The following PXDNL variants were observed in gnomAD, a reference collection of about 807,000 sequenced individuals.
PXDNL encodes probable oxidoreductase PXDNL.
Under a neutral mutation model 150.8 loss-of-function variants are expected in PXDNL, and 145 were observed. The observed-to-expected ratio is 0.96, with a 90% confidence interval of 0.84 to 1.10. PXDNL has a LOEUF of 1.10. Among genes scored for constraint, PXDNL ranks in the 50% least tolerant of loss-of-function variants. The pLI, the probability that PXDNL is intolerant of heterozygous loss-of-function variation, is 0.00. For synonymous variants in PXDNL, 757 were observed against 725.7 expected, an observed-to-expected ratio of 1.04 and a Z score of -0.69; for missense variants, 2,087 against 1,873.9, an observed-to-expected ratio of 1.11 and a Z score of -2.10.
chr8:51,583,772 T>C (rs1034291083), intron 3 of PXDNL, among the ~76,000 whole-genome samples: 6 of 152,108 alleles, frequency 3.9e-5, no homozygotes, highest in Non-Finnish European at 7.4e-5. Flanking sequence ...AGATAGACTG[T>C]TGGATGGATG....
chr8:51,758,679 C>A (rs867149661), intron 1 of PXDNL, among the ~76,000 whole-genome samples: 12 of 152,150 alleles, frequency 7.9e-5, no homozygotes, highest in African/African-American at 2.9e-4. Flanking sequence ...CTCCTTCCTG[C>A]CACCTTGTGA....
chr8:51,574,382 A>G (rs1307788032), intron 3 of PXDNL, among the ~76,000 whole-genome samples: 2 of 151,992 alleles, frequency 1.3e-5, no homozygotes, highest in Non-Finnish European at 1.5e-5. Flanking sequence ...AGAGAGAAGA[A>G]CATAGACATT....
chr8:51,631,201 GTTC>G (rs926459412), intron 2 of PXDNL, among the ~76,000 whole-genome samples: 3 of 152,064 alleles, frequency 2.0e-5, no homozygotes, highest in Non-Finnish European at 4.4e-5. Flanking sequence ...AATACCACAT[GTTC>G]TTACTTATAA....
chr8:51,479,825 C>T (rs958996972), intron 6 of PXDNL, among the ~76,000 whole-genome samples: 4 of 152,174 alleles, frequency 2.6e-5, no homozygotes, highest in African/African-American at 9.6e-5. Flanking sequence ...TGTTATATAT[C>T]CATGTAACAA....
chr8:51,715,093 TGTA>T (rs1309111621), intron 1 of PXDNL, among the ~76,000 whole-genome samples: 1 of 152,218 alleles, frequency 6.6e-6, no homozygotes, highest in Non-Finnish European at 1.5e-5. Context: ...AAATATTAAA[TGTA>T]GTATATATCT....
intron 1 of PXDNL, among the ~76,000 whole-genome samples, chr8:51,669,171 T>G (rs2130826004): frequency 6.6e-6 from 1 of 152,338 alleles, no homozygotes; most frequent in Admixed American, 6.5e-5. Flanking sequence ...AGAAATTTTG[T>G]TAATCAAGTA....
chr8:51,416,408 G>A (rs1212933803), intron 14 of PXDNL, among the ~76,000 whole-genome samples: 1 of 152,166 alleles, frequency 6.6e-6, no homozygotes, highest in African/African-American at 2.4e-5. Flanking sequence ...TTATAAAATT[G>A]TTTTGCTGTT....
chr8:51,709,808 A>G (rs1038383999), intron 1 of PXDNL, among the ~76,000 whole-genome samples: 3 of 152,236 alleles, frequency 2.0e-5, no homozygotes, highest in African/African-American at 7.2e-5. Flanking sequence ...ACAATATAGT[A>G]TAACAAAAAT....
chr8:51,385,617 A>C (rs2130822734), intron 17 of PXDNL, among the ~76,000 whole-genome samples: 1 of 152,334 alleles, frequency 6.6e-6, no homozygotes, highest in East Asian at 1.9e-4. Context: ...AGATATTTAA[A>C]ACATAAACTA....
intron 13 of PXDNL, among the ~76,000 whole-genome samples, chr8:51,424,829 G>A (rs1809049510): frequency 6.6e-6 from 1 of 152,210 alleles, no homozygotes. Context: ...CGTTTAGAGT[G>A]AAAATAACAT....
At chr8:51,746,191 G>T (rs566167837) in intron 1 of PXDNL, among the ~76,000 whole-genome samples, 3 of 152,288 alleles carry the variant, frequency 2.0e-5, no homozygotes, top group East Asian at 3.9e-4. Context: ...TCATCTTCAA[G>T]AATTCTTTCT....
Position 51,408,077 on chromosome 8 carries a change from T to G in PXDNL, c.3547A>C (p.Lys1183Gln). 1 of 1,603,180 alleles carries G rather than the reference T, an allele frequency of 6.2e-7. No individual in the cohort carries two copies. The highest frequency in any genetic ancestry group is 8.5e-7 in the Non-Finnish European group (1 of 1,176,056). The change falls in exon 17 of 23, where the codon AAA becomes CAA. Residue 1183 changes from lysine to glutamine, a missense_variant. Physicochemically the swap from Lys to Gln is moderately conservative, Grantham distance 53 (BLOSUM62 1). Transcript: ENST00000356297. ...NEIKDSEIRQ[K>Q]LRKLYGSPGD... ...CATTTGCATACTTACTTTCTCAGTT[T>G]TTGTCTAATCTCTGAATCTTTAATT...
At chr8:51,351,045 C>T (rs940735716) in intron 19 of PXDNL, among the ~76,000 whole-genome samples, 8 of 152,296 alleles carry the variant, frequency 5.3e-5, no homozygotes, top group Middle Eastern at 6.8e-3. Context: ...TGAAGTGAGA[C>T]GGTTCCAGTA....
intron 4 of PXDNL, among the ~76,000 whole-genome samples, chr8:51,532,262 T>G (rs1334954507): frequency 6.6e-6 from 1 of 152,234 alleles, no homozygotes; most frequent in African/African-American, 2.4e-5. Flanking sequence ...AGCCTGTTAT[T>G]TTTCACAGTA....
rs528089088 is a variant in PXDNL at position 51,586,629 on chromosome 8, C to CA, written c.308+5997dup. Among the ~76,000 whole-genome samples, 9 of 151,894 alleles carry CA rather than the reference C, an allele frequency of 5.9e-5. No individual in the cohort carries two copies. The South Asian group carries it at 8.3e-4, about 14-fold the overall frequency. ...AATGGCACTTACTTGCCTAATATTT[C>CA]AAAAAAAATCTTTTTATCTATAGGA... On this transcript the variant is annotated intron_variant, in intron 3 of 22. Coordinates refer to ENST00000356297, the MANE Select transcript of PXDNL (RefSeq NM_144651.5).
At chr8:51,364,696 G>C (rs900649774) in intron 19 of PXDNL, among the ~76,000 whole-genome samples, 5 of 152,180 alleles carry the variant, frequency 3.3e-5, no homozygotes, top group Non-Finnish European at 2.9e-5. Context: ...CTCACAATCA[G>C]TCAGAAACAG....
chr8:51,631,727 T>C (rs1814491468), intron 2 of PXDNL, among the ~76,000 whole-genome samples: 1 of 152,128 alleles, frequency 6.6e-6, no homozygotes, highest in Non-Finnish European at 1.5e-5. Flanking sequence ...TAAATTTATG[T>C]TCACAGGCAC....
At chr8:51,458,416 T>C (rs1809985925) in intron 8 of PXDNL, among the ~76,000 whole-genome samples, 1 of 152,136 alleles carries the variant, frequency 6.6e-6, no homozygotes, top group African/African-American at 2.4e-5. Flanking sequence ...ATTTTTTTTC[T>C]GGCAAAGATT....
chr8:51,787,317 T>C, intron 1 of PXDNL, among the ~76,000 whole-genome samples: 1 of 152,226 alleles, frequency 6.6e-6, no homozygotes, highest in East Asian at 1.9e-4. Context: ...CTGCCATAGA[T>C]AGTGAATCCT....
Sources: allele counts gnomAD v4.1 joint callset (sites outside exome capture counted in the v4.1 genomes callset), GRCh38; gene constraint gnomAD v4.1.1; transcripts MANE v1.5; gene names NCBI Gene and HGNC (gene_info 2026-07-23, HGNC 2026-07-21).